Variants in IFI16 observed in about 807,000 individuals in gnomAD.
The protein encoded by IFI16 is gamma-interferon-inducible protein 16.
A neutral mutation model predicts 68.4 loss-of-function variants in IFI16; 49 were observed. The observed-to-expected ratio is 0.72, with a 90% CI of 0.57 to 0.91. The LOEUF is 0.91. Ranked by LOEUF, IFI16 falls within the 40% of genes least tolerant of loss-of-function variation. The probability of loss-of-function intolerance (pLI) is 0.00; values close to 1 mark genes in which losing one functional copy is unlikely to be tolerated. For synonymous variants in IFI16, 307 were observed against 315.0 expected, an observed-to-expected ratio of 0.97 and a Z score of 0.27; for missense variants, 878 against 942.9, an observed-to-expected ratio of 0.93 and a Z score of 0.90.
chr1:159,008,287 T>G (rs906712023), upstream of IFI16, among the ~76,000 whole-genome samples: 5 of 152,206 alleles, frequency 3.3e-5, no homozygotes, highest in East Asian at 3.8e-4. Flanking sequence ...GCACATTTTT[T>G]GCTTTATCAG....
At chr1:159,021,039 G>A (rs759237144) in intron 6 of IFI16, among the ~76,000 whole-genome samples, 8 of 152,090 alleles carry the variant, frequency 5.3e-5, no homozygotes, top group African/African-American at 1.9e-4. Flanking sequence ...AAATATTCAC[G>A]TGTTAAGTTT....
At position 159,040,526 on chromosome 1, in the gene IFI16, A is replaced by C. The variant is rs976832208; in HGVS notation, c.1330-4771A>C. On this transcript the variant is annotated intron_variant, in intron 7 of 11. Coordinates refer to ENST00000295809, the MANE Select transcript of IFI16 (RefSeq NM_001376587.1). ...CACTGAACAAAAAGTTTTATGTTCT[A>C]AATTTAGAAATATACTCCTTTCAAT... 4.6e-5 allele frequency among the ~76,000 whole-genome samples: 7 copies of C among 152,384 alleles called. No homozygotes were observed. The East Asian group carries it at 1.3e-3, about 29-fold the overall frequency.
At chr1:159,005,303 G>A (rs888624469), upstream of IFI16, among the ~76,000 whole-genome samples, 3 of 152,186 alleles carry the variant, frequency 2.0e-5, no homozygotes, top group Non-Finnish European at 2.9e-5. Flanking sequence ...CCATTACAGG[G>A]AGGGTCAGAG....
intron 10 of IFI16, chr1:159,052,522 A>G (rs1221987323): frequency 6.2e-6 from 1 of 162,544 alleles, no homozygotes; most frequent in African/African-American, 2.4e-5. Context: ...TGATTGTGAC[A>G]ACCAGAGTAA....
intron 1 of IFI16, among the ~76,000 whole-genome samples, chr1:159,012,600 T>TGA (rs1188751850): frequency 2.0e-5 from 3 of 152,192 alleles, no homozygotes; most frequent in Admixed American, 6.5e-5. Context: ...AACCAGCACT[T>TGA]AAACAGGAAA....
At position 159,054,843 on chromosome 1, in the gene IFI16, A is replaced by G; in HGVS notation, c.2300A>G (p.Lys767Arg). ...HIKVIKTRKNKKDILNPDSSM... is the reference protein window; with the variant it reads ...HIKVIKTRKNRKDILNPDSSM... ...AAGGTCATCAAGACCAGGAAAAACA[A>G]GAAAGACATACTCAATCCTGATTCA... Residue 767 changes from lysine to arginine, a missense_variant, in exon 12 of 12, where the codon AAG (lysine) becomes AGG (arginine). Physicochemically the swap from Lys to Arg is conservative, Grantham distance 26. Around this residue, in one of 4 missense-constraint regions of IFI16, gnomAD observed 311 missense variants for 305.1 expected, o/e 1.02. Coordinates refer to ENST00000295809, the MANE Select transcript of IFI16 (RefSeq NM_001376587.1). 6.2e-7 allele frequency: 1 copy of G among 1,602,760 alleles called. No individual in the cohort carries two copies. The highest frequency in any genetic ancestry group is 1.1e-5 in the South Asian group (1 of 90,216).
chr1:159,009,405 C>A (rs1467202456), upstream of IFI16, among the ~76,000 whole-genome samples: 3 of 152,172 alleles, frequency 2.0e-5, no homozygotes, highest in African/African-American at 7.2e-5. Context: ...TCATAGCAGA[C>A]ATTTCCCCAA....
chr1:159,003,597 G>A (rs1652138698), upstream of IFI16, among the ~76,000 whole-genome samples: 1 of 151,878 alleles, frequency 6.6e-6, no homozygotes, highest in Non-Finnish European at 1.5e-5. Flanking sequence ...AAAGACCAAG[G>A]CGATAGGTAT....
chr1:159,054,961 G>A lies in IFI16; in HGVS notation c.*60G>A, dbSNP rs1386968427. 6 of 886,956 alleles carry A rather than the reference G, an allele frequency of 6.8e-6. No individual in the cohort carries two copies. The East Asian group carries it at 1.2e-4, about 18-fold the overall frequency. 54.9% of individuals were successfully genotyped at this position (886,956 alleles called of 1,614,324 possible). ...ATAAGGTCTAAGTGCCTAAAAAAATGTACATATACCTGGTTGAAATACAAC... is the reference window on the plus strand; with the variant it reads ...ATAAGGTCTAAGTGCCTAAAAAAATATACATATACCTGGTTGAAATACAAC... On this transcript the variant is annotated 3_prime_UTR_variant, in exon 12 of 12. Coordinates refer to ENST00000295809, the MANE Select transcript of IFI16 (RefSeq NM_001376587.1).
chr1:159,005,481 C>CT (rs1652219043), upstream of IFI16, among the ~76,000 whole-genome samples: 1 of 152,210 alleles, frequency 6.6e-6, no homozygotes, highest in African/African-American at 2.4e-5. Context: ...TGCCTCAACA[C>CT]TGAGTCTCTT....
At chr1:159,029,213 T>C (rs1468584860) in intron 6 of IFI16, among the ~76,000 whole-genome samples, 1 of 152,172 alleles carries the variant, frequency 6.6e-6, no homozygotes, top group Non-Finnish European at 1.5e-5. Context: ...CTCTCAGCAT[T>C]TGTTTGTCTG....
upstream of IFI16, among the ~76,000 whole-genome samples, chr1:159,004,831 C>T (rs1652193526): frequency 1.3e-5 from 2 of 152,096 alleles, no homozygotes; most frequent in South Asian, 2.1e-4. Context: ...TGAAATTAAA[C>T]AGAGTAAAGA....
upstream of IFI16, among the ~76,000 whole-genome samples, chr1:159,002,099 T>C (rs1314512960): frequency 1.3e-5 from 2 of 152,196 alleles, no homozygotes; most frequent in African/African-American, 4.8e-5. Context: ...AAATACACAG[T>C]ATGGTATGCC....
At chr1:159,051,039 T>C (rs1199205118) in intron 9 of IFI16, among the ~76,000 whole-genome samples, 4 of 152,168 alleles carry the variant, frequency 2.6e-5, no homozygotes. Context: ...GCTAGTAATA[T>C]GATTTTTTTC....
rs1653243525 is a variant in IFI16, at chr1:159,020,475, TAG to T, written c.1109_1110del (p.Arg370LysfsTer14). 1 of 1,613,354 alleles carries T rather than the reference TAG, an allele frequency of 6.2e-7. No homozygotes were observed. The highest frequency in any genetic ancestry group is 1.3e-5 in the African/African-American group (1 of 74,844). On this transcript the variant is annotated frameshift_variant, in exon 6 of 12. Transcript: ENST00000295809. LOFTEE classifies it high-confidence loss of function. ...DKLQLFCFRLRKKNQMSKLIS... is the reference protein window; with the variant it reads ...DKLQLFCFRLXKKNQMSKLIS... The stretch of plus-strand genomic sequence containing the variant: ...AGCTCCAACTTTTCTGCTTTCGACT[TAG>T]AAAAAAGAACCAGATGTCAAAACTG...
intron 7 of IFI16, among the ~76,000 whole-genome samples, chr1:159,041,974 T>G (rs1654675788): frequency 6.6e-6 from 1 of 152,224 alleles, no homozygotes; most frequent in Non-Finnish European, 1.5e-5. Flanking sequence ...TGATGTTTTC[T>G]TAGCTCCAAC....
chr1:159,001,357 T>G (rs763407201), upstream of IFI16, among the ~76,000 whole-genome samples: 1 of 152,176 alleles, frequency 6.6e-6, no homozygotes. Flanking sequence ...AACTGTGACT[T>G]TTAGGGGAGG....
chr1:159,027,814 G>A (rs1653766382), intron 6 of IFI16, among the ~76,000 whole-genome samples: 1 of 152,056 alleles, frequency 6.6e-6, no homozygotes, highest in Non-Finnish European at 1.5e-5. Flanking sequence ...GTTCATAGTT[G>A]CATTGAATGA....
chr1:159,023,557 A>G (rs554246473), intron 6 of IFI16, among the ~76,000 whole-genome samples: 1 of 152,088 alleles, frequency 6.6e-6, no homozygotes, highest in Non-Finnish European at 1.5e-5. Flanking sequence ...CCTTAATAGC[A>G]TTTATGTAAA....
Sources: allele counts gnomAD v4.1 joint callset (sites outside exome capture counted in the v4.1 genomes callset), GRCh38; gene constraint gnomAD v4.1.1; regional missense constraint gnomAD v4.1.1; transcripts MANE v1.5; gene names NCBI Gene and HGNC (gene_info 2026-07-23, HGNC 2026-07-21).